The following PKIB variants were observed in gnomAD, a reference collection of about 807,000 sequenced individuals.
PKIB encodes the protein cAMP-dependent protein kinase inhibitor beta.
PKIB carries 2 observed loss-of-function variants against 4.5 expected under a neutral mutation model. That is an observed-to-expected ratio of 0.44 (90% CI 0.18 to 1.39). The LOEUF is 1.39. PKIB is among the 40% of genes most tolerant of loss of function. PKIB has a pLI of 0.27. For missense variants in PKIB, 94 were observed against 92.6 expected (o/e 1.02, Z -0.06); for synonymous variants, 38 against 36.0 (o/e 1.06, Z -0.20).
intron 2 of PKIB, among the ~76,000 whole-genome samples, chr6:122,522,755 G>C (rs1776984215): frequency 6.6e-6 from 1 of 152,164 alleles, no homozygotes; most frequent in Non-Finnish European, 1.5e-5. Flanking sequence ...TGTCTAACCA[G>C]TTCCAGTGAG....
At chr6:122,516,504 G>A (rs889884169) in intron 2 of PKIB, among the ~76,000 whole-genome samples, 1 of 152,110 alleles carries the variant, frequency 6.6e-6, no homozygotes, top group African/African-American at 2.4e-5. Flanking sequence ...GACTTCTTGG[G>A]TAATCAATAT....
chr6:122,573,521 CAAAAAAA>C (rs61014475), intron 2 of PKIB, among the ~76,000 whole-genome samples: 3,162 of 87,616 alleles, frequency 0.036, 63 homozygotes, highest in Admixed American at 0.083. Context: ...GACTCTGTCT[CAAAAAAA>C]AAAAAAAAAG....
Position 122,686,877 on chromosome 6 carries a change from C to T in PKIB, c.-9+11733C>T, listed in dbSNP as rs925500116. ...TATTTTAATTATTAATCTCTTGTCA[C>T]ATTGGTACTTTGTAAATATTTTATC... On this transcript the variant is annotated intron_variant, in intron 3 of 4. Transcript: ENST00000368452. 4.6e-4 allele frequency among the ~76,000 whole-genome samples: 70 copies of T among 152,116 alleles called. 3 individuals are homozygous for T. The highest frequency in any genetic ancestry group is 1.5e-5 in the Non-Finnish European group (1 of 68,014).
intron 2 of PKIB, among the ~76,000 whole-genome samples, chr6:122,541,784 A>G (rs1582687004): frequency 6.6e-6 from 1 of 151,472 alleles, no homozygotes; most frequent in East Asian, 2.0e-4. Context: ...GTGTTTTCCA[A>G]CTTGGTTCCA....
At chr6:122,556,045 AT>A (rs1348149017) in intron 2 of PKIB, among the ~76,000 whole-genome samples, 1 of 152,110 alleles carries the variant, frequency 6.6e-6, no homozygotes, top group Non-Finnish European at 1.5e-5. Context: ...TGTAATCTGA[AT>A]TTTAATCCCC....
intron 2 of PKIB, among the ~76,000 whole-genome samples, chr6:122,529,019 C>T (rs1472266124): frequency 6.6e-6 from 1 of 152,184 alleles, no homozygotes; most frequent in Admixed American, 6.6e-5. Context: ...GTAACACAAA[C>T]ATTCTGTGTA....
At chr6:122,519,614 G>A (rs1270956573) in intron 2 of PKIB, among the ~76,000 whole-genome samples, 1 of 152,092 alleles carries the variant, frequency 6.6e-6, no homozygotes, top group Non-Finnish European at 1.5e-5. Context: ...AGAATGATGG[G>A]TTAAAACATA....
At chr6:122,494,046 T>G (rs971592915) in intron 2 of PKIB, among the ~76,000 whole-genome samples, 2 of 152,120 alleles carry the variant, frequency 1.3e-5, no homozygotes, top group Non-Finnish European at 2.9e-5. Context: ...CAAATAAAAA[T>G]TTTGAAAAAC....
intron 3 of PKIB, among the ~76,000 whole-genome samples, chr6:122,591,354 T>C (rs1277842486): frequency 6.6e-6 from 1 of 152,154 alleles, no homozygotes; most frequent in African/African-American, 2.4e-5. Context: ...TTTCCTCTTC[T>C]TCCTTTACTA....
In PKIB at chr6:122,476,012, G is replaced by C. The variant is rs543028727; in HGVS notation, c.-336-1839G>C. Among the ~76,000 whole-genome samples, 21 of 152,176 alleles carry C rather than the reference G, an allele frequency of 1.4e-4. 1 individual carries two copies. Among genetic ancestry groups the C allele is most frequent in the South Asian group, 6.2e-4 (3 of 4,820 alleles). ...GATCTATATCTCTGAAATATTGTGA[G>C]AGTGGAACAGATTTTAAGGAAAATA... On this transcript the variant is annotated intron_variant, in intron 1 of 6. Coordinates refer to the PKIB transcript ENST00000392491.
At chr6:122,525,183 T>G (rs1051805925) in intron 2 of PKIB, among the ~76,000 whole-genome samples, 3 of 152,178 alleles carry the variant, frequency 2.0e-5, no homozygotes, top group Admixed American at 1.3e-4. Flanking sequence ...TTATATAATT[T>G]CCTTTGTTAC....
chr6:122,473,139 T>C (rs1287575495), intron 1 of PKIB, among the ~76,000 whole-genome samples: 1 of 152,190 alleles, frequency 6.6e-6, no homozygotes, highest in Non-Finnish European at 1.5e-5. Flanking sequence ...AAATGGAAAT[T>C]ACAAACCTAA....
chr6:122,622,439 G>A (rs1027365718), intron 1 of PKIB, among the ~76,000 whole-genome samples: 7 of 152,144 alleles, frequency 4.6e-5, no homozygotes, highest in Non-Finnish European at 1.0e-4. Context: ...CCTTTAGGTA[G>A]GAACTAGCTC....
intron 2 of PKIB, among the ~76,000 whole-genome samples, chr6:122,539,023 A>T (rs529937583): frequency 2.6e-5 from 4 of 152,168 alleles, no homozygotes; most frequent in Admixed American, 2.6e-4. Context: ...ATTTTTGTAC[A>T]TTGATTTTGT....
chr6:122,621,459 A>G (rs1582746659), intron 1 of PKIB, among the ~76,000 whole-genome samples: 1 of 152,346 alleles, frequency 6.6e-6, no homozygotes, highest in East Asian at 1.9e-4. Context: ...GAAAGCCACC[A>G]TAGGAGTATG....
chr6:122,693,388 T>C (rs1167770255), intron 3 of PKIB, among the ~76,000 whole-genome samples: 1 of 152,240 alleles, frequency 6.6e-6, no homozygotes, highest in Non-Finnish European at 1.5e-5. Flanking sequence ...GTCAGCTTTT[T>C]AGTATTTTCT....
chr6:122,679,027 A>G (rs9372707), intron 3 of PKIB, among the ~76,000 whole-genome samples: 91,400 of 152,070 alleles, frequency 0.6, 29,038 homozygotes, highest in Non-Finnish European at 0.71. Flanking sequence ...GACTCTCAGC[A>G]ATCCAGTCAG....
At chr6:122,489,839 G>C (rs1775887603) in intron 2 of PKIB, among the ~76,000 whole-genome samples, 1 of 152,152 alleles carries the variant, frequency 6.6e-6, no homozygotes, top group Admixed American at 6.5e-5. Context: ...CACAAAAAAG[G>C]AATATTACTT....
At chr6:122,518,050 T>G (rs1356667358) in intron 2 of PKIB, among the ~76,000 whole-genome samples, 1 of 152,248 alleles carries the variant, frequency 6.6e-6, no homozygotes, top group Non-Finnish European at 1.5e-5. Context: ...GCACTTTTTT[T>G]TTCTCAACAG....
Sources: allele counts gnomAD v4.1 joint callset (sites outside exome capture counted in the v4.1 genomes callset), GRCh38; gene constraint gnomAD v4.1.1; transcripts MANE v1.5; gene names NCBI Gene and HGNC (gene_info 2026-07-23, HGNC 2026-07-21).